Variants in CTNNA3 observed in about 807,000 individuals in gnomAD.
CTNNA3 encodes catenin alpha-3.
Under a neutral mutation model 95.7 loss-of-function variants are expected in CTNNA3, and 76 were observed. The observed-to-expected ratio is 0.79, with a 90% CI of 0.66 to 0.96. CTNNA3 has a LOEUF of 0.96. CTNNA3 is among the 40% of genes least tolerant of loss of function. CTNNA3 has a pLI of 0.00. For synonymous variants in CTNNA3, 431 were observed against 374.4 expected (o/e 1.15, Z -1.74); for missense variants, 1,191 against 1,089.8 (o/e 1.09, Z -1.31).
At chr10:66,127,359 CAATACCT>C (rs2082878950) in intron 13 of CTNNA3, among the ~76,000 whole-genome samples, 1 of 150,990 alleles carries the variant, frequency 6.6e-6, no homozygotes, top group Admixed American at 6.6e-5. Context: ...ACATCAACAG[CAATACCT>C]AATATCAATA....
At chr10:66,932,318 T>G (rs1222455599) in intron 7 of CTNNA3, among the ~76,000 whole-genome samples, 1 of 152,136 alleles carries the variant, frequency 6.6e-6, no homozygotes, top group Non-Finnish European at 1.5e-5. Flanking sequence ...TTTACCAAAA[T>G]GAGAACTCAA....
chr10:67,423,183 C>T (rs1845807790), intron 5 of CTNNA3, among the ~76,000 whole-genome samples: 1 of 152,072 alleles, frequency 6.6e-6, no homozygotes. Flanking sequence ...GAAACAGCAC[C>T]TCTCTCCTCC....
At chr10:67,379,378 A>T (rs1159813630) in intron 5 of CTNNA3, among the ~76,000 whole-genome samples, 1 of 152,228 alleles carries the variant, frequency 6.6e-6, no homozygotes, top group East Asian at 1.9e-4. Flanking sequence ...TTCACAGGGC[A>T]ACTATGATCA....
rs895314078 is a variant in CTNNA3 at position 65,926,969 on chromosome 10, T to C, written c.2401-6352A>G. Among the ~76,000 whole-genome samples, 7 of 152,180 alleles carry C rather than the reference T, an allele frequency of 4.6e-5. No homozygotes were observed. The East Asian group carries it at 1.3e-3, about 29-fold the overall frequency. ...CAATTTTTAATAATCCTTATATATT[T>C]TTCTATAGTCTTTTAGATTTTCTAT... On this transcript the variant is annotated intron_variant, in intron 17 of 17. Transcript: ENST00000433211.
intron 1 of CTNNA3, among the ~76,000 whole-genome samples, chr10:67,672,985 C>T (rs1201443903): frequency 4.0e-5 from 6 of 151,528 alleles, no homozygotes; most frequent in Middle Eastern, 3.4e-3. Flanking sequence ...ATTCTTCCTA[C>T]CCATGAGCAT....
chr10:66,992,387 C>T (rs541546824), intron 7 of CTNNA3, among the ~76,000 whole-genome samples: 1 of 152,034 alleles, frequency 6.6e-6, no homozygotes, highest in African/African-American at 2.4e-5. Context: ...TCTCCTTTTC[C>T]TATTATTCTT....
chr10:66,810,373 T>C (rs184998180), intron 7 of CTNNA3, among the ~76,000 whole-genome samples: 1 of 152,254 alleles, frequency 6.6e-6, no homozygotes, highest in African/African-American at 2.4e-5. Flanking sequence ...TTCTGGAAGA[T>C]AGCACCCTCC....
At position 66,691,421 on chromosome 10, in the gene CTNNA3, T is replaced by A. The variant is rs942095339; in HGVS notation, c.1282-69637A>T. 2.0e-5 allele frequency among the ~76,000 whole-genome samples: 3 copies of A among 152,174 alleles called. No individual in the cohort carries two copies. The South Asian group carries it at 6.2e-4, about 32-fold the overall frequency. On this transcript the variant is annotated intron_variant, in intron 9 of 17. Coordinates refer to ENST00000433211, the MANE Select transcript of CTNNA3 (RefSeq NM_013266.4). Reference sequence around the variant, plus strand: ...GAGGCTGGGGGAGGGGCACCCACCATTGCCCAGGCTTGCTTAGGTAAACAA... The same window carrying A: ...GAGGCTGGGGGAGGGGCACCCACCAATGCCCAGGCTTGCTTAGGTAAACAA...
At chr10:67,616,648 T>A (rs566307937) in intron 2 of CTNNA3, among the ~76,000 whole-genome samples, 143 of 152,266 alleles carry the variant, frequency 9.4e-4, no homozygotes, top group African/African-American at 3.2e-3. Flanking sequence ...TATTTACTAG[T>A]TGAGGAAAGT....
chr10:67,330,140 G>A (rs1841721162), intron 5 of CTNNA3, among the ~76,000 whole-genome samples: 1 of 152,206 alleles, frequency 6.6e-6, no homozygotes, highest in South Asian at 2.1e-4. Flanking sequence ...AAACTGGGAG[G>A]TATAGCTGCT....
intron 5 of CTNNA3, chr10:67,346,825 C>T (rs1461100729): frequency 8.8e-6 from 3 of 341,900 alleles, no homozygotes; most frequent in African/African-American, 4.3e-5. Context: ...ATTTAGAAAC[C>T]CTTTCCCACT....
intron 7 of CTNNA3, among the ~76,000 whole-genome samples, chr10:67,086,160 A>T (rs917115240): frequency 1.3e-4 from 19 of 151,846 alleles, no homozygotes; most frequent in African/African-American, 4.6e-4. Context: ...GAAACAGTAT[A>T]TTTTTTTTCA....
intron 13 of CTNNA3, among the ~76,000 whole-genome samples, chr10:66,253,426 T>C (rs1196283119): frequency 6.6e-6 from 1 of 152,110 alleles, no homozygotes. Context: ...CATTTTACTA[T>C]ACCACAAGCT....
At chr10:66,210,605 A>G (rs1481051793) in intron 13 of CTNNA3, among the ~76,000 whole-genome samples, 1 of 152,102 alleles carries the variant, frequency 6.6e-6, no homozygotes, top group African/African-American at 2.4e-5. Context: ...ATTTAGGTAC[A>G]CTCTTACTTT....
chr10:66,895,504 T>G (rs1845445912), intron 7 of CTNNA3, among the ~76,000 whole-genome samples: 1 of 152,186 alleles, frequency 6.6e-6, no homozygotes, highest in African/African-American at 2.4e-5. Flanking sequence ...ACATATTATC[T>G]TCACCTTTAT....
At chr10:66,260,579 T>C (rs1018581779) in intron 13 of CTNNA3, among the ~76,000 whole-genome samples, 1 of 151,910 alleles carries the variant, frequency 6.6e-6, no homozygotes, top group African/African-American at 2.4e-5. Flanking sequence ...AAAGGGAAGT[T>C]TTCCCTTTGG....
intron 7 of CTNNA3, chr10:66,926,826 A>G (rs1847105757): frequency 1.7e-6 from 2 of 1,162,928 alleles, no homozygotes; most frequent in Non-Finnish European, 2.4e-6. Flanking sequence ...TTAGATTTAA[A>G]TTTTTAAAAA....
intron 7 of CTNNA3, among the ~76,000 whole-genome samples, chr10:67,061,686 T>C (rs997653361): frequency 4.6e-5 from 7 of 152,192 alleles, no homozygotes; most frequent in Non-Finnish European, 1.0e-4. Flanking sequence ...ATAAAAGGGA[T>C]GATGAAAGAG....
intron 3 of CTNNA3, among the ~76,000 whole-genome samples, chr10:67,567,931 T>C (rs564175925): frequency 2.6e-5 from 4 of 152,244 alleles, no homozygotes; most frequent in African/African-American, 9.6e-5. Flanking sequence ...AAAGAAATGC[T>C]ATGGTATTTA....
Sources: gnomAD v4.1 joint callset for allele counts (sites outside exome capture counted in the v4.1 genomes callset) on GRCh38, gnomAD v4.1.1 for gene constraint, MANE v1.5 for transcripts, NCBI Gene and HGNC (gene_info 2026-07-23, HGNC 2026-07-21) for gene names.